MANSC1: variants seen among roughly 807,000 people sequenced by gnomAD.
The protein encoded by MANSC1 is MANSC domain containing 1.
Under a neutral mutation model 14.1 loss-of-function variants are expected in MANSC1, and 13 were observed. That is an observed-to-expected ratio of 0.92 (90% CI 0.60 to 1.46). The LOEUF is 1.46. MANSC1 is among the 40% of genes most tolerant of loss of function. MANSC1 has a pLI of 0.00. For missense variants in MANSC1, 486 were observed against 511.4 expected (o/e 0.95, Z 0.48); for synonymous variants, 227 against 200.7 (o/e 1.13, Z -1.11).
chr12:12,330,891 G>T lies in MANSC1; in HGVS notation c.432C>A (p.Gly144=). ...GGGGAGTGACTGCTTGTGAAAATTG[G>T]CCATGTAAGAGAGAATCTTCCTGGG... ...ELPQEDSLLH[G]QFSQAVTPLA... The change falls in exon 4 of 4, where the codon GGC becomes GGA. Residue 144 remains glycine, a synonymous_variant. Coordinates refer to ENST00000535902, the MANE Select transcript of MANSC1 (RefSeq NM_018050.4). 6.2e-7 allele frequency: 1 copy of T among 1,613,474 alleles called. No individual in the cohort carries two copies. The highest frequency in any genetic ancestry group is 8.5e-7 in the Non-Finnish European group (1 of 1,179,742).
At chr12:12,335,212 C>T (rs576799568) in intron 3 of MANSC1, among the ~76,000 whole-genome samples, 197 of 152,228 alleles carry the variant, frequency 1.3e-3, no homozygotes, top group African/African-American at 4.3e-3. Flanking sequence ...CTCCATCTCG[C>T]CCGCCACTCC....
At chr12:12,341,211 T>C (rs1171818195) in intron 2 of MANSC1, among the ~76,000 whole-genome samples, 1 of 152,158 alleles carries the variant, frequency 6.6e-6, no homozygotes, top group Non-Finnish European at 1.5e-5. Context: ...ATTTGATAAT[T>C]TGCAAGAACA....
In MANSC1 at chr12:12,327,528, G is replaced by A. The variant is rs1277333019; in HGVS notation, c.*2499C>T. On this transcript the variant is annotated 3_prime_UTR_variant, in exon 4 of 4. Transcript: ENST00000535902. ...CAAAGACTGCAGCAAGGTGGACAGAGAACTCCAAGAGAGCCAGGAAAATAC... is the reference window on the plus strand; with the variant it reads ...CAAAGACTGCAGCAAGGTGGACAGAAAACTCCAAGAGAGCCAGGAAAATAC... 1 of 152,174 alleles carries A rather than the reference G, an allele frequency of 6.6e-6. No individual in the cohort carries two copies. Among genetic ancestry groups the A allele is most frequent in the African/African-American group, 2.4e-5 (1 of 41,424 alleles). 9.4% of individuals were successfully genotyped at this position (152,174 alleles called of 1,614,324 possible). A position where few individuals can be genotyped will look rare whatever the true frequency, so the allele number is the denominator to read the frequency against.
At chr12:12,336,156 CA>C (rs1483250068) in intron 3 of MANSC1, among the ~76,000 whole-genome samples, 1 of 152,080 alleles carries the variant, frequency 6.6e-6, no homozygotes, top group African/African-American at 2.4e-5. Flanking sequence ...CAACAACAAA[CA>C]AAAAAACTCC....
rs1039981443 is a variant in MANSC1, at chr12:12,337,435, C to G, written c.364+985G>C. 7.9e-5 allele frequency among the ~76,000 whole-genome samples: 12 copies of G among 151,992 alleles called. 1 individual carries two copies. The highest frequency in any genetic ancestry group is 1.6e-4 in the Non-Finnish European group (11 of 68,024). On this transcript the variant is annotated intron_variant, in intron 3 of 3. Coordinates refer to ENST00000535902, the MANE Select transcript of MANSC1 (RefSeq NM_018050.4). ...AATTAGCCGGGCGTGGTGGCGGGCA[C>G]CTGTAGTCCCAGTTACTCAGGAGGC... is the stretch of plus-strand genomic sequence containing the variant.
chr12:12,330,897 T>A lies in MANSC1; in HGVS notation c.426A>T (p.Leu142Phe), dbSNP rs368224544. The change falls in exon 4 of 4, where the codon TTA (leucine) becomes TTT (phenylalanine). Residue 142 changes from leucine (L) to phenylalanine (F), a missense_variant. Physicochemically the swap from Leu to Phe is conservative, Grantham distance 22. Coordinates refer to ENST00000535902, the MANE Select transcript of MANSC1 (RefSeq NM_018050.4). ...TGACTGCTTGTGAAAATTGGCCATG[T>A]AAGAGAGAATCTTCCTGGGGTAACT... is the stretch of plus-strand genomic sequence containing the variant. The part of the protein sequence containing the change: ...SQELPQEDSL[L>F]HGQFSQAVTP... 9.3e-6 allele frequency: 15 copies of A among 1,611,662 alleles called. No individual in the cohort carries two copies. The highest frequency in any genetic ancestry group is 1.7e-5 in the Admixed American group (1 of 59,518).
intron 3 of MANSC1, among the ~76,000 whole-genome samples, chr12:12,332,358 T>TC (rs1862801094): frequency 6.6e-6 from 1 of 152,110 alleles, no homozygotes; most frequent in Non-Finnish European, 1.5e-5. Context: ...ATCTCGTGAC[T>TC]ACTCTCTAAG....
At chr12:12,332,188 C>T (rs1862799477) in intron 3 of MANSC1, among the ~76,000 whole-genome samples, 1 of 152,214 alleles carries the variant, frequency 6.6e-6, no homozygotes. Context: ...GCAGAAAACA[C>T]AAGGAAAGAA....
chr12:12,333,344 G>T (rs918164001), intron 3 of MANSC1, among the ~76,000 whole-genome samples: 3 of 152,086 alleles, frequency 2.0e-5, no homozygotes, highest in Admixed American at 6.6e-5. Flanking sequence ...ATCATACTTG[G>T]CCTATAATTC....
chr12:12,342,589 T>G (rs1053192093), intron 2 of MANSC1, among the ~76,000 whole-genome samples: 2 of 116,834 alleles, frequency 1.7e-5, no homozygotes, highest in African/African-American at 3.1e-5. Flanking sequence ...TTTTTGTTTT[T>G]TTTTTTTTTT....
chr12:12,347,923 T>G (rs1375357883), intron 1 of MANSC1, among the ~76,000 whole-genome samples: 2 of 151,800 alleles, frequency 1.3e-5, no homozygotes, highest in African/African-American at 4.8e-5. Flanking sequence ...ATTAGCCAGA[T>G]ATGGTGGCAG....
rs1466849118 is a variant in MANSC1 at position 12,338,562 on chromosome 12, T to G, written c.224-2A>C. 3.1e-6 allele frequency: 5 copies of G among 1,609,606 alleles called. No homozygotes were observed. Among genetic ancestry groups the G allele is most frequent in the Non-Finnish European group, 4.2e-6 (5 of 1,178,978 alleles). On this transcript the variant is annotated splice_acceptor_variant, in intron 2 of 3. Transcript: ENST00000535902. LOFTEE classifies it high-confidence loss of function. ...TCATCAAGTTACATGCTTTGTCCCC[T>G]GCAATGAAAGGTTTCATAAGCATGA...
chr12:12,336,680 C>T (rs1482593661), intron 3 of MANSC1, among the ~76,000 whole-genome samples: 1 of 152,060 alleles, frequency 6.6e-6, no homozygotes, highest in Non-Finnish European at 1.5e-5. Context: ...GCTCATGCCA[C>T]CATGCCCGGC....
intron 2 of MANSC1, among the ~76,000 whole-genome samples, chr12:12,342,887 T>G (rs376905802): frequency 3.3e-5 from 5 of 152,200 alleles, no homozygotes; most frequent in African/African-American, 1.2e-4. Flanking sequence ...CCCAGTCACC[T>G]GAGGGATATA....
rs1176457069 is a variant in MANSC1, at chr12:12,329,008, A to ACACG, written c.*1018_*1019insCGTG. The ACACG allele has an allele frequency of 9.7e-4, 149 of 153,410 alleles. 3 individuals are homozygous for ACACG. The Admixed American group carries it at 9.8e-3, about 10-fold the overall frequency. The allele number at this position is 153,410 out of a possible 1,614,324, so 9.5% of individuals were successfully genotyped here. A position where few individuals can be genotyped will look rare whatever the true frequency, so the allele number is the denominator to read the frequency against. ...GTCACACACACACACACACACACAC[A>ACACG]CACACACACACACACACAAGTTAAC... On this transcript the variant is annotated 3_prime_UTR_variant, in exon 4 of 4. Coordinates refer to ENST00000535902, the MANE Select transcript of MANSC1 (RefSeq NM_018050.4).
At chr12:12,335,214 C>T (rs1409595558) in intron 3 of MANSC1, among the ~76,000 whole-genome samples, 2 of 152,104 alleles carry the variant, frequency 1.3e-5, no homozygotes, top group Admixed American at 6.6e-5. Flanking sequence ...CCATCTCGCC[C>T]GCCACTCCCT....
chr12:12,343,305 CGAA>C lies in MANSC1; in HGVS notation c.7_9del (p.Phe3del). The stretch of plus-strand genomic sequence containing the variant: ...GTGTAAGTCAAGCTCCCTTCTCCCC[CGAA>C]GAACATTTTAAATTTCAGTTTAGTT... On this transcript the variant is annotated inframe_deletion, in exon 2 of 4. Transcript: ENST00000535902. 1 of 1,612,858 alleles carries C rather than the reference CGAA, an allele frequency of 6.2e-7. No homozygotes were observed. Among genetic ancestry groups the C allele is most frequent in the Non-Finnish European group, 8.5e-7 (1 of 1,178,990 alleles).
rs1405573645 is a variant in MANSC1, at chr12:12,343,323, T to G, written c.-9A>C. ...TCTCCCCCGAAGAACATTTTAAATT[T>G]CAGTTTAGTTTTGGTCTTCAAAGGT... On this transcript the variant is annotated 5_prime_UTR_variant, in exon 2 of 4. Transcript: ENST00000535902. The G allele has an allele frequency of 6.2e-7, 1 of 1,608,832 alleles. No individual in the cohort carries two copies. Among genetic ancestry groups the G allele is most frequent in the African/African-American group, 1.3e-5 (1 of 74,808 alleles).
Position 12,327,410 on chromosome 12 carries a change from T to C in MANSC1, c.*2617A>G, listed in dbSNP as rs781381749. The C allele has an allele frequency of 2.0e-5, 3 of 152,250 alleles. No individual in the cohort carries two copies. Among genetic ancestry groups the C allele is most frequent in the Non-Finnish European group, 4.4e-5 (3 of 68,098 alleles). The allele number at this position is 152,250 out of a possible 1,614,324, so 9.4% of individuals were successfully genotyped here. A position where few individuals can be genotyped will look rare whatever the true frequency, so the allele number is the denominator to read the frequency against. ...AGAAGAGCACTCTTTCCACTCCAGATGTCCCCTACAACCTATATCCTCACG... is the reference window on the plus strand; with the variant it reads ...AGAAGAGCACTCTTTCCACTCCAGACGTCCCCTACAACCTATATCCTCACG... On this transcript the variant is annotated 3_prime_UTR_variant, in exon 4 of 4. Coordinates refer to ENST00000535902, the MANE Select transcript of MANSC1 (RefSeq NM_018050.4).
Sources: gnomAD v4.1 joint callset for allele counts (sites outside exome capture counted in the v4.1 genomes callset) on GRCh38, gnomAD v4.1.1 for gene constraint, MANE v1.5 for transcripts, NCBI Gene and HGNC (gene_info 2026-07-23, HGNC 2026-07-21) for gene names.